MON2: variants seen among roughly 807,000 people sequenced by gnomAD.
MON2 encodes the protein protein MON2 homolog.
In MON2, 84 loss-of-function variants were observed where a neutral mutation model predicts 208.6. The ratio of observed to expected loss-of-function variants is 0.40; its 90% CI spans 0.34 to 0.48. The LOEUF (loss-of-function observed/expected upper bound fraction) is 0.48, where lower values mean the gene tolerates loss of function less well. Ranked by LOEUF, MON2 falls within the 20% of genes least tolerant of loss-of-function variation. The pLI is 0.59. For synonymous variants in MON2, 660 were observed against 694.0 expected (o/e 0.95, Z 0.77); for missense variants, 1,611 against 2,015.4 (o/e 0.80, Z 3.84).
intron 4 of MON2, among the ~76,000 whole-genome samples, chr12:62,495,461 T>C (rs2070416864): frequency 6.6e-6 from 1 of 151,620 alleles, no homozygotes; most frequent in African/African-American, 2.4e-5. Flanking sequence ...AAAAAACATG[T>C]TGTAAGATCA....
intron 20 of MON2, among the ~76,000 whole-genome samples, chr12:62,543,573 A>G (rs1372982488): frequency 6.6e-6 from 1 of 151,818 alleles, no homozygotes; most frequent in Admixed American, 6.6e-5. Context: ...GCTCATTTAT[A>G]GCCTTTGCTA....
At chr12:62,529,122 C>T (rs962317290) in intron 11 of MON2, among the ~76,000 whole-genome samples, 1 of 152,058 alleles carries the variant, frequency 6.6e-6, no homozygotes, top group African/African-American at 2.4e-5. Context: ...TTTTCTGTTC[C>T]GGCGTTAGTT....
chr12:62,510,119 A>G (rs2071318729), intron 8 of MON2, among the ~76,000 whole-genome samples: 1 of 152,160 alleles, frequency 6.6e-6, no homozygotes, highest in Admixed American at 6.5e-5. Flanking sequence ...CACAAGAAAA[A>G]AATTAAACAG....
At chr12:62,572,638 G>GGGTC in intron 30 of MON2, among the ~76,000 whole-genome samples, 1 of 152,188 alleles carries the variant, frequency 6.6e-6, no homozygotes, top group Middle Eastern at 3.4e-3. Context: ...TAGAGATGGA[G>GGGTC]GGTCTCACTG....
intron 3 of MON2, 82 bp downstream of exon 3, chr12:62,494,124 T>C (rs2070334441): frequency 7.8e-7 from 1 of 1,275,390 alleles, no homozygotes; most frequent in Non-Finnish European, 1.1e-6. Flanking sequence ...ATACCTGATA[T>C]TTAATATAAA....
chr12:62,584,671 C>G (rs1007664973), intron 32 of MON2, among the ~76,000 whole-genome samples: 13 of 146,330 alleles, frequency 8.9e-5, no homozygotes, highest in African/African-American at 3.3e-4. Context: ...CCACTGCACT[C>G]CTGCCTGGGC....
intron 1 of MON2, among the ~76,000 whole-genome samples, chr12:62,476,268 G>T (rs188684615): frequency 6.6e-6 from 1 of 152,078 alleles, no homozygotes; most frequent in African/African-American, 2.4e-5. Context: ...TGAGCATTTT[G>T]TCACCTAAAG....
intron 8 of MON2, among the ~76,000 whole-genome samples, chr12:62,516,016 C>A (rs2071670107): frequency 6.6e-6 from 1 of 152,040 alleles, no homozygotes; most frequent in Non-Finnish European, 1.5e-5. Flanking sequence ...TAGTAGCAAC[C>A]AAAGTATCCA....
intron 12 of MON2, among the ~76,000 whole-genome samples, chr12:62,534,542 A>AATATATATATATATATATTATAT (rs2072845854): frequency 4.4e-5 from 1 of 22,850 alleles, no homozygotes; most frequent in African/African-American, 2.0e-4. Context: ...AAAAAAAAAA[A>AATATATATATATATATATTATAT]ATATATATAT....
In MON2 at chr12:62,588,085, C is replaced by T. The variant is rs1158314803; in HGVS notation, c.4919C>T (p.Thr1640Ile). The T allele has an allele frequency of 1.1e-5, 17 of 1,564,850 alleles. No individual in the cohort carries two copies. The highest frequency in any genetic ancestry group is 1.5e-5 in the Non-Finnish European group (17 of 1,138,406). Residue 1640 changes from threonine to isoleucine, a missense_variant, in exon 34 of 35, where the codon ACA (threonine) becomes ATA (isoleucine). Transcript: ENST00000393630. ...GKCPLPRQQV[T>I]EIIFVLKAVS... Reference sequence around the variant, plus strand: ...TATCTCTTTTTCAGGCAACAAGTAACAGAAATTATATTTGTTTTAAAAGCA... The same window carrying T: ...TATCTCTTTTTCAGGCAACAAGTAATAGAAATTATATTTGTTTTAAAAGCA...
chr12:62,538,225 T>C (rs1273258460), intron 17 of MON2, 27 bp from the exon 18 acceptor site: 2 of 1,609,992 alleles, frequency 1.2e-6, no homozygotes, highest in Non-Finnish European at 1.7e-6. Context: ...AAGTGTCATA[T>C]ATTACATTTA....
rs2075521298 is a variant in MON2, at chr12:62,596,025, A to G, written c.*3276A>G. ...TTTCTACAGCAGGCCAGTAACAACT[A>G]GATTATTTGTCCTTTCTCAGTATAA... On this transcript the variant is annotated 3_prime_UTR_variant, in exon 35 of 35. Coordinates refer to ENST00000393630, the MANE Select transcript of MON2 (RefSeq NM_015026.3). 1 of 152,218 alleles carries G rather than the reference A, an allele frequency of 6.6e-6. No homozygotes were observed. Among genetic ancestry groups the G allele is most frequent in the South Asian group, 2.1e-4 (1 of 4,834 alleles). The allele number at this position is 152,218 out of a possible 1,614,324, so 9.4% of individuals were successfully genotyped here. A position where few individuals can be genotyped will look rare whatever the true frequency, so the allele number is the denominator to read the frequency against.
At position 62,495,067 on chromosome 12, in the gene MON2, C is replaced by G; in HGVS notation, c.355C>G (p.Leu119Val). 1 of 1,610,244 alleles carries G rather than the reference C, an allele frequency of 6.2e-7. No homozygotes were observed. The highest frequency in any genetic ancestry group is 1.1e-5 in the South Asian group (1 of 90,948). Reference sequence around the variant, plus strand: ...GCTTTGGCAGCTAATGGAGAATAGTCTTGAAGAACTTAAGCTACTTCAAAC... The same window carrying G: ...GCTTTGGCAGCTAATGGAGAATAGTGTTGAAGAACTTAAGCTACTTCAAAC... ...NMLWQLMENS[L>V]EELKLLQTVL... The change falls in exon 4 of 35, where the codon CTT becomes GTT. Residue 119 changes from leucine to valine, a missense_variant. Physicochemically the swap from Leu to Val is conservative, Grantham distance 32. Transcript: ENST00000393630.
At chr12:62,504,159 T>C (rs2070981639) in intron 7 of MON2, among the ~76,000 whole-genome samples, 1 of 152,072 alleles carries the variant, frequency 6.6e-6, no homozygotes. Context: ...TGAATTTGAA[T>C]TTAAAATTTT....
At position 62,544,944 on chromosome 12, in the gene MON2, C is replaced by T; in HGVS notation, c.2513C>T (p.Ala838Val). The T allele has an allele frequency of 6.2e-7, 1 of 1,609,326 alleles. No homozygotes were observed. The highest frequency in any genetic ancestry group is 8.5e-7 in the Non-Finnish European group (1 of 1,177,838). Residue 838 changes from alanine to valine, a missense_variant, in exon 21 of 35, where the codon GCT becomes GTT. By Grantham distance (64) the Ala-to-Val change is moderately conservative. Transcript: ENST00000393630. ...CGAATGAGAGAATGGGGAGCAGAAGCTTTAACTTCTCTTATTAAAGCAGGA... is the reference window on the plus strand; with the variant it reads ...CGAATGAGAGAATGGGGAGCAGAAGTTTTAACTTCTCTTATTAAAGCAGGA... ...NSRMREWGAE[A>V]LTSLIKAGLT...
At position 62,487,620 on chromosome 12, in the gene MON2, AT is replaced by A. The variant is rs1198394269; in HGVS notation, c.175+3394del. On this transcript the variant is annotated intron_variant, in intron 2 of 34. Coordinates refer to ENST00000393630, the MANE Select transcript of MON2 (RefSeq NM_015026.3). Reference sequence around the variant, plus strand: ...TAGCAATGAGTAAATATACTTTGGAATTTTTTTCTGATTTTAAAAGGTAATT... The same window carrying A: ...TAGCAATGAGTAAATATACTTTGGAATTTTTTCTGATTTTAAAAGGTAATT... Among the ~76,000 whole-genome samples, 36 of 151,872 alleles carry A rather than the reference AT, an allele frequency of 2.4e-4. No homozygotes were observed. The East Asian group carries it at 6.6e-3, about 28-fold the overall frequency.
rs2075591919 is a variant in MON2 at position 62,599,834 on chromosome 12, AAT to A, written c.*7089_*7090del. The A allele has an allele frequency of 6.6e-6, 1 of 152,244 alleles. No individual in the cohort carries two copies. Among genetic ancestry groups the A allele is most frequent in the African/African-American group, 2.4e-5 (1 of 41,462 alleles). The allele number at this position is 152,244 out of a possible 1,614,324, so 9.4% of individuals were successfully genotyped here. A position where few individuals can be genotyped will look rare whatever the true frequency, so the allele number is the denominator to read the frequency against. ...TATTTCTATGATGGGCACTGGGACA[AAT>A]ATACTTGAACATAACAAAGAACTAA... On this transcript the variant is annotated 3_prime_UTR_variant, in exon 35 of 35. Transcript: ENST00000393630.
chr12:62,507,691 A>G (rs553835885), intron 7 of MON2, among the ~76,000 whole-genome samples: 4 of 152,100 alleles, frequency 2.6e-5, no homozygotes, highest in South Asian at 2.1e-4. Context: ...TTAATCACCA[A>G]TTACTTACTT....
At chr12:62,498,774 T>C in intron 4 of MON2, 145 bp from the exon 5 acceptor site, 1 of 825,810 alleles carries the variant, frequency 1.2e-6, no homozygotes, top group Non-Finnish European at 1.7e-6. Flanking sequence ...TTGGATTACA[T>C]CAAAATCTGA....
Sources: allele counts gnomAD v4.1 joint callset (sites outside exome capture counted in the v4.1 genomes callset), GRCh38; gene constraint gnomAD v4.1.1; transcripts MANE v1.5; gene names NCBI Gene and HGNC (gene_info 2026-07-23, HGNC 2026-07-21).